Variants in THSD7B observed in about 807,000 individuals in gnomAD.
The protein encoded by THSD7B is thrombospondin type 1 domain containing 7B, also known as thrombospondin type-1 domain-containing protein 7B.
THSD7B carries 138 observed loss-of-function variants against 213.6 expected under a neutral mutation model. The ratio of observed to expected loss-of-function variants is 0.65; its 90% CI spans 0.56 to 0.74. The LOEUF is 0.74. THSD7B is among the 30% of genes least tolerant of loss of function. The pLI is 0.00. For synonymous variants in THSD7B, 742 were observed against 687.0 expected (o/e 1.08, Z -1.25); for missense variants, 1,931 against 1,991.5 (o/e 0.97, Z 0.58).
chr2:136,825,011 T>C (rs1351286679), intron 1 of THSD7B, among the ~76,000 whole-genome samples: 4 of 152,218 alleles, frequency 2.6e-5, no homozygotes, highest in African/African-American at 9.6e-5. Flanking sequence ...AGGTTTCTGG[T>C]TTATTTTCTA....
At chr2:136,800,259 T>G (rs997179566) in intron 1 of THSD7B, among the ~76,000 whole-genome samples, 4 of 152,010 alleles carry the variant, frequency 2.6e-5, no homozygotes, top group African/African-American at 9.7e-5. Context: ...CATCAGTTTC[T>G]GCTATTTTTT....
chr2:137,541,259 A>G lies in THSD7B; in HGVS notation c.3139-21962A>G, dbSNP rs928912758. Among the ~76,000 whole-genome samples, 18 of 151,668 alleles carry G rather than the reference A, an allele frequency of 1.2e-4. 1 individual carries two copies. The highest frequency in any genetic ancestry group is 1.5e-5 in the Non-Finnish European group (1 of 67,776). ...ATCTGATTTCCAGGACTGCCATATTATATTATTTTAAATGTCTCCTCTTTA... is the reference window on the plus strand; with the variant it reads ...ATCTGATTTCCAGGACTGCCATATTGTATTATTTTAAATGTCTCCTCTTTA... On this transcript the variant is annotated intron_variant, in intron 15 of 27. Coordinates refer to ENST00000409968, the MANE Select transcript of THSD7B (RefSeq NM_001316349.2).
Position 136,972,967 on chromosome 2 carries a change from A to G in THSD7B, c.140-83453A>G, listed in dbSNP as rs556243710. Among the ~76,000 whole-genome samples the G allele has an allele frequency of 3.3e-5, 5 of 152,256 alleles. No homozygotes were observed. The South Asian group carries it at 1.0e-3, about 32-fold the overall frequency. On this transcript the variant is annotated intron_variant, in intron 2 of 27. Coordinates refer to ENST00000409968, the MANE Select transcript of THSD7B (RefSeq NM_001316349.2). ...TCTCTCTTCTCCTCACTCCCCACAA[A>G]TTAAATCACGGTTTAAAAACATTTG...
chr2:137,581,622 A>G (rs1227928546), intron 17 of THSD7B, among the ~76,000 whole-genome samples: 1 of 151,958 alleles, frequency 6.6e-6, no homozygotes, highest in Admixed American at 6.6e-5. Context: ...CGTTTCAAAA[A>G]TAATAATTAT....
At chr2:136,873,585 C>G (rs893392182) in intron 1 of THSD7B, among the ~76,000 whole-genome samples, 1 of 152,172 alleles carries the variant, frequency 6.6e-6, no homozygotes, top group Non-Finnish European at 1.5e-5. Context: ...CACAAAGTCA[C>G]AAGATTGGAA....
At chr2:137,170,988 A>G in intron 7 of THSD7B, 50 bp downstream of exon 7, 1 of 1,576,580 alleles carries the variant, frequency 6.3e-7, no homozygotes, top group Non-Finnish European at 8.7e-7. Flanking sequence ...GTATCAGCCA[A>G]ATAACACATG....
chr2:137,056,580 C>T lies in THSD7B; in HGVS notation c.300C>T (p.His100=). ...GTTGTTTCCGAGTTTGTGACTGGCA[C>T]AGTGACCTCTTTCAGTGGGAGGTTT... The part of the protein sequence containing the change: ...ERSCFRVCDW[H]SDLFQWEVSD... Residue 100 remains histidine (H), a synonymous_variant, in exon 3 of 28, where the codon CAC becomes CAT. Transcript: ENST00000409968. 1 of 1,613,886 alleles carries T rather than the reference C, an allele frequency of 6.2e-7. No individual in the cohort carries two copies. The highest frequency in any genetic ancestry group is 8.5e-7 in the Non-Finnish European group (1 of 1,179,872).
rs1558883730 is a variant in THSD7B, at chr2:137,004,347, A to AC, written c.140-52073_140-52072insC. ...CACACACACACACACACACACACAC[A>AC]AACTTATTCCAGGAGAACCATTATA... On this transcript the variant is annotated intron_variant, in intron 2 of 27. Transcript: ENST00000409968. 1.4e-3 allele frequency among the ~76,000 whole-genome samples: 194 copies of AC among 138,958 alleles called. 2 individuals carry two copies. Among genetic ancestry groups the AC allele is most frequent in the African/African-American group, 4.9e-3 (179 of 36,180 alleles). 91.2% of individuals were successfully genotyped at this position (138,958 alleles called of 152,430 possible).
At chr2:136,868,917 G>A (rs1221244771) in intron 1 of THSD7B, among the ~76,000 whole-genome samples, 1 of 152,174 alleles carries the variant, frequency 6.6e-6, no homozygotes, top group Non-Finnish European at 1.5e-5. Flanking sequence ...AGGTAATTGT[G>A]TCAATTTTAT....
At chr2:137,264,437 G>A (rs1464127046) in intron 10 of THSD7B, among the ~76,000 whole-genome samples, 1 of 151,784 alleles carries the variant, frequency 6.6e-6, no homozygotes, top group Non-Finnish European at 1.5e-5. Flanking sequence ...TTTAGTAGAG[G>A]CGGGATTTCA....
At chr2:137,532,610 A>G (rs1197715195) in intron 15 of THSD7B, among the ~76,000 whole-genome samples, 2 of 151,850 alleles carry the variant, frequency 1.3e-5, no homozygotes, top group Non-Finnish European at 2.9e-5. Flanking sequence ...TGGTTATGGA[A>G]TAGAGATAAA....
chr2:136,781,380 T>G (rs535450791), intron 1 of THSD7B, among the ~76,000 whole-genome samples: 2 of 151,170 alleles, frequency 1.3e-5, no homozygotes, highest in South Asian at 4.2e-4. Flanking sequence ...TTCTCCTGCC[T>G]CAGCCTCCTG....
chr2:137,310,747 T>C (rs899839930), intron 12 of THSD7B, among the ~76,000 whole-genome samples: 15 of 151,878 alleles, frequency 9.9e-5, no homozygotes, highest in Non-Finnish European at 2.1e-4. Flanking sequence ...CCCAGCACCA[T>C]TTATTAAATA....
At chr2:137,013,260 A>C (rs1346927369) in intron 2 of THSD7B, among the ~76,000 whole-genome samples, 1 of 152,228 alleles carries the variant, frequency 6.6e-6, no homozygotes, top group African/African-American at 2.4e-5. Context: ...ATAGGTTTGA[A>C]AGACACTGGA....
intron 5 of THSD7B, among the ~76,000 whole-genome samples, chr2:137,125,938 T>G (rs1346214502): frequency 6.6e-6 from 1 of 152,178 alleles, no homozygotes; most frequent in Non-Finnish European, 1.5e-5. Flanking sequence ...CAATGAGAAG[T>G]AATAGTCTGA....
At chr2:136,784,633 G>A (rs1212230596) in intron 1 of THSD7B, among the ~76,000 whole-genome samples, 5 of 151,992 alleles carry the variant, frequency 3.3e-5, no homozygotes, top group South Asian at 2.1e-4. Context: ...ACCTTGAATC[G>A]TTTTCTATCT....
At chr2:136,914,103 G>A (rs192731911) in intron 2 of THSD7B, among the ~76,000 whole-genome samples, 88 of 152,298 alleles carry the variant, frequency 5.8e-4, no homozygotes, top group Non-Finnish European at 9.0e-4. Flanking sequence ...CCCACCTCTT[G>A]CATCAGCGTA....
chr2:137,166,313 A>G (rs912666435), intron 6 of THSD7B, among the ~76,000 whole-genome samples: 1 of 152,232 alleles, frequency 6.6e-6, no homozygotes, highest in African/African-American at 2.4e-5. Flanking sequence ...TTAGAGATAT[A>G]TAAGAGAATT....
chr2:137,065,165 A>AC (rs1421163860), intron 3 of THSD7B, among the ~76,000 whole-genome samples: 19 of 151,924 alleles, frequency 1.3e-4, no homozygotes, highest in Admixed American at 1.2e-3. Flanking sequence ...TTATTTTTCC[A>AC]TTTTTTGTGC....
Sources: allele counts gnomAD v4.1 joint callset (sites outside exome capture counted in the v4.1 genomes callset), GRCh38; gene constraint gnomAD v4.1.1; transcripts MANE v1.5; gene names NCBI Gene and HGNC (gene_info 2026-07-23, HGNC 2026-07-21).